The following RFX4 variants were observed in gnomAD, a reference collection of about 807,000 sequenced individuals.
The protein encoded by RFX4 is regulatory factor X4, also known as transcription factor RFX4.
Under a neutral mutation model 95.0 loss-of-function variants are expected in RFX4, and 10 were observed. The observed-to-expected ratio is 0.11, with a 90% CI of 0.06 to 0.18. The LOEUF is 0.18. RFX4 is among the 10% of genes least tolerant of loss of function. RFX4 has a pLI of 1.00. For missense variants in RFX4, 640 were observed against 922.0 expected, an observed-to-expected ratio of 0.69 and a Z score of 3.96; for synonymous variants, 321 against 340.7, an observed-to-expected ratio of 0.94 and a Z score of 0.64.
At position 106,633,648 on chromosome 12, in the gene RFX4, TG is replaced by T. The variant is rs2040459720; in HGVS notation, c.131-5679del. ...AGTTGCTGCTCAAAGTCCACACAGT[TG>T]GGGGCAATGCTGGAATTTAAACCCA... On this transcript the variant is annotated intron_variant, in intron 2 of 17. Transcript: ENST00000392842. 2.0e-5 allele frequency among the ~76,000 whole-genome samples: 3 copies of T among 152,160 alleles called. No homozygotes were observed. The South Asian group carries it at 6.2e-4, about 32-fold the overall frequency.
At chr12:106,753,400 C>A (rs1221362036) in intron 17 of RFX4, among the ~76,000 whole-genome samples, 1 of 152,146 alleles carries the variant, frequency 6.6e-6, no homozygotes, top group Non-Finnish European at 1.5e-5. Flanking sequence ...TCCTCCAGGA[C>A]CTTATTAGGT....
At chr12:106,693,176 C>T in intron 7 of RFX4, 1 of 372,222 alleles carries the variant, frequency 2.7e-6, no homozygotes, top group Non-Finnish European at 5.3e-6. Context: ...GGCCATTCTC[C>T]CTCCTTCCTT....
At chr12:106,711,739 T>C (rs1440819307) in intron 10 of RFX4, among the ~76,000 whole-genome samples, 1 of 152,364 alleles carries the variant, frequency 6.6e-6, no homozygotes, top group South Asian at 2.1e-4. Context: ...AGATATGTTC[T>C]AAGTCCACAG....
chr12:106,728,212 C>T (rs2042541618), intron 13 of RFX4, among the ~76,000 whole-genome samples: 1 of 151,888 alleles, frequency 6.6e-6, no homozygotes, highest in Non-Finnish European at 1.5e-5. Context: ...TGTCTCTAAT[C>T]CTAATGCCTT....
At chr12:106,681,750 T>G (rs1162372105) in intron 4 of RFX4, among the ~76,000 whole-genome samples, 1 of 152,012 alleles carries the variant, frequency 6.6e-6, no homozygotes, top group East Asian at 1.9e-4. Context: ...CCTTTGTGAG[T>G]AGGACGGGGT....
At chr12:106,662,263 G>C (rs2041089775) in intron 4 of RFX4, 2 of 288,968 alleles carry the variant, frequency 6.9e-6, no homozygotes, top group South Asian at 3.4e-5. Flanking sequence ...ATTCTAATAG[G>C]TATGTAGTGG....
intron 4 of RFX4, among the ~76,000 whole-genome samples, chr12:106,669,707 G>GAA (rs150682284): frequency 3.3e-5 from 5 of 149,922 alleles, no homozygotes; most frequent in South Asian, 4.2e-4. Flanking sequence ...GTTCTCAAAG[G>GAA]AAAAAAAAAT....
At chr12:106,595,840 C>T (rs1164359974) in intron 1 of RFX4, among the ~76,000 whole-genome samples, 1 of 152,154 alleles carries the variant, frequency 6.6e-6, no homozygotes, top group Admixed American at 6.5e-5. Flanking sequence ...TTGCCATGGG[C>T]TGGATATATG....
At chr12:106,713,101 C>T (rs767181936) in intron 10 of RFX4, among the ~76,000 whole-genome samples, 16 of 152,168 alleles carry the variant, frequency 1.1e-4, no homozygotes, top group East Asian at 3.8e-4. Context: ...AGCTTTCAGA[C>T]GCATTCCCAG....
intron 10 of RFX4, among the ~76,000 whole-genome samples, chr12:106,712,237 T>G (rs1038496704): frequency 6.6e-6 from 1 of 152,250 alleles, no homozygotes; most frequent in Non-Finnish European, 1.5e-5. Flanking sequence ...TTTTTTCACA[T>G]GGTCACTAAC....
chr12:106,613,085 G>T lies in RFX4; in HGVS notation c.130+4202G>T, dbSNP rs181816190. Among the ~76,000 whole-genome samples, 252 of 151,720 alleles carry T rather than the reference G, an allele frequency of 1.7e-3. 2 individuals are homozygous for T. Among genetic ancestry groups the T allele is most frequent in the Non-Finnish European group, 3.0e-3 (201 of 67,884 alleles). ...ATGACCTTTATTATGTTGAGGTAAT[G>T]CTCTTCTGTTCTTAGTTTATTGAGT... is the stretch of plus-strand genomic sequence containing the variant. On this transcript the variant is annotated intron_variant, in intron 2 of 17. Coordinates refer to ENST00000392842, the MANE Select transcript of RFX4 (RefSeq NM_213594.3).
chr12:106,747,523 T>C lies in RFX4; in HGVS notation c.1720T>C (p.Cys574Arg), dbSNP rs1314120828. 7.4e-6 allele frequency: 12 copies of C among 1,614,020 alleles called. No individual in the cohort carries two copies. The highest frequency in any genetic ancestry group is 1.0e-5 in the Non-Finnish European group (12 of 1,180,014). ...SPAENSQQLP[C>R]MRNTHVPSSS... ...AGCTGAGAACTCCCAACAGCTGCCC[T>C]GTATGAGGAACACTCATGTGCCTTC... Residue 574 changes from cysteine (C) to arginine (R), a missense_variant, in exon 16 of 18, where the codon TGT becomes CGT. By Grantham distance (180) the Cys-to-Arg change is radical. Coordinates refer to ENST00000392842, the MANE Select transcript of RFX4 (RefSeq NM_213594.3).
chr12:106,760,570 G>A (rs745475976), intron 17 of RFX4, among the ~76,000 whole-genome samples: 21 of 152,084 alleles, frequency 1.4e-4, no homozygotes, highest in Non-Finnish European at 3.1e-4. Context: ...CAGGAGTTCA[G>A]TGAATGTGAG....
In RFX4 at chr12:106,746,933, T is replaced by C. The variant is rs142094177; in HGVS notation, c.1634-504T>C. 2.6e-3 allele frequency among the ~76,000 whole-genome samples: 401 copies of C among 152,312 alleles called. 1 individual carries two copies. Among genetic ancestry groups the C allele is most frequent in the African/African-American group, 8.9e-3 (368 of 41,568 alleles). On this transcript the variant is annotated intron_variant, in intron 15 of 17. Transcript: ENST00000392842. ...AAATTTTTATTGAGTGTTTTGGCAGTCAGGATCTGTACTAAGCACTGGGAA... is the reference window on the plus strand; with the variant it reads ...AAATTTTTATTGAGTGTTTTGGCAGCCAGGATCTGTACTAAGCACTGGGAA...
At chr12:106,623,089 A>C (rs1207190479) in intron 2 of RFX4, among the ~76,000 whole-genome samples, 1 of 131,152 alleles carries the variant, frequency 7.6e-6, no homozygotes, top group Non-Finnish European at 1.6e-5. Flanking sequence ...CCCAGGCTGG[A>C]GTGCAGTGGC....
At chr12:106,679,909 A>C (rs1011992381) in intron 4 of RFX4, among the ~76,000 whole-genome samples, 9 of 152,316 alleles carry the variant, frequency 5.9e-5, no homozygotes, top group African/African-American at 1.9e-4. Context: ...TTTAAAGAGC[A>C]CTGTTACTGA....
At position 106,762,647 on chromosome 12, in the gene RFX4, T is replaced by C. The variant is rs530834050; in HGVS notation, c.*1178T>C. Reference sequence around the variant, plus strand: ...TATGGGTAAGAAATAAATGGAAATATGACATCGGATGTTTCAGCAACTGTT... The same window carrying C: ...TATGGGTAAGAAATAAATGGAAATACGACATCGGATGTTTCAGCAACTGTT... On this transcript the variant is annotated 3_prime_UTR_variant, in exon 18 of 18. Transcript: ENST00000392842. The C allele has an allele frequency of 1.4e-4, 21 of 152,676 alleles. No homozygotes were observed. The highest frequency in any genetic ancestry group is 5.1e-4 in the African/African-American group (21 of 41,568). The allele number at this position is 152,676 out of a possible 1,614,324, so 9.5% of individuals were successfully genotyped here.
intron 6 of RFX4, 104 bp from the exon 7 acceptor site, chr12:106,689,182 AT>A (rs2041728319): frequency 1.1e-6 from 1 of 945,212 alleles, no homozygotes; most frequent in Non-Finnish European, 1.7e-6. Flanking sequence ...GGTGAATTGC[AT>A]CCCCCCCACA....
intron 17 of RFX4, among the ~76,000 whole-genome samples, chr12:106,755,006 T>A (rs1349480709): frequency 6.6e-6 from 1 of 152,248 alleles, no homozygotes; most frequent in Non-Finnish European, 1.5e-5. Context: ...AGACAAAGTA[T>A]CCTTTGTTTT....
Sources: allele counts gnomAD v4.1 joint callset (sites outside exome capture counted in the v4.1 genomes callset), GRCh38; gene constraint gnomAD v4.1.1; transcripts MANE v1.5; gene names NCBI Gene and HGNC (gene_info 2026-07-23, HGNC 2026-07-21).